MNAT1: variants seen among roughly 807,000 people sequenced by gnomAD.
MNAT1 encodes MNAT1 component of CDK activating kinase.
Under a neutral mutation model 42.0 loss-of-function variants are expected in MNAT1, and 43 were observed. The observed-to-expected ratio is 1.02, with a 90% confidence interval of 0.80 to 1.32. The LOEUF (loss-of-function observed/expected upper bound fraction) is 1.32. Among genes scored for constraint, MNAT1 ranks in the 40% most tolerant of loss-of-function variants. The pLI, the probability that MNAT1 is intolerant of heterozygous loss-of-function variation, is 0.00. For missense variants in MNAT1, 306 were observed against 350.4 expected (o/e 0.87, Z 1.01); for synonymous variants, 118 against 120.0 (o/e 0.98, Z 0.11).
intron 6 of MNAT1, among the ~76,000 whole-genome samples, chr14:60,835,043 G>A (rs1022755095): frequency 1.3e-4 from 17 of 128,832 alleles, no homozygotes; most frequent in African/African-American, 4.0e-4. Flanking sequence ...TTCGTTCAAA[G>A]TCAGTTATAT....
chr14:60,849,758 G>T (rs1361102614), intron 6 of MNAT1, among the ~76,000 whole-genome samples: 1 of 152,044 alleles, frequency 6.6e-6, no homozygotes, highest in Non-Finnish European at 1.5e-5. Flanking sequence ...ATTTGATACA[G>T]AAAATAATGT....
chr14:60,839,656 G>A (rs1014928743), intron 6 of MNAT1, among the ~76,000 whole-genome samples: 1 of 152,252 alleles, frequency 6.6e-6, no homozygotes, highest in African/African-American at 2.4e-5. Flanking sequence ...CCAGAGCTAT[G>A]ACACCCTCTT....
chr14:60,932,238 G>A (rs2035904181), intron 7 of MNAT1, among the ~76,000 whole-genome samples: 1 of 151,600 alleles, frequency 6.6e-6, no homozygotes, highest in Non-Finnish European at 1.5e-5. Flanking sequence ...TTAAATTTTT[G>A]TTTCATTTGT....
At chr14:60,772,467 C>G (rs1566759676) in intron 1 of MNAT1, among the ~76,000 whole-genome samples, 1 of 151,924 alleles carries the variant, frequency 6.6e-6, no homozygotes, top group Non-Finnish European at 1.5e-5. Flanking sequence ...TGCCTGTACT[C>G]TACTACTGTA....
At chr14:60,788,661 A>G (rs770534309) in intron 1 of MNAT1, among the ~76,000 whole-genome samples, 4 of 152,220 alleles carry the variant, frequency 2.6e-5, no homozygotes, top group Admixed American at 6.5e-5. Flanking sequence ...AAGCCTCCAT[A>G]TCAGCACTTG....
At chr14:60,915,964 G>GA (rs2035503912) in intron 7 of MNAT1, among the ~76,000 whole-genome samples, 1 of 152,222 alleles carries the variant, frequency 6.6e-6, no homozygotes, top group Non-Finnish European at 1.5e-5. Context: ...GGAGTTGCAA[G>GA]ACACATTTGG....
At chr14:60,961,574 CT>C (rs1490275677) in intron 7 of MNAT1, among the ~76,000 whole-genome samples, 1 of 152,222 alleles carries the variant, frequency 6.6e-6, no homozygotes, top group Middle Eastern at 3.4e-3. Flanking sequence ...TTCATGTTGG[CT>C]TCTCTTTTTA....
intron 6 of MNAT1, among the ~76,000 whole-genome samples, chr14:60,841,634 A>ATT (rs113486939): frequency 2.0e-5 from 3 of 151,338 alleles, no homozygotes; most frequent in Admixed American, 6.6e-5. Context: ...CTATTGACTG[A>ATT]TTTTTTTTTC....
intron 1 of MNAT1, chr14:60,753,817 T>G (rs937613255): frequency 3.3e-5 from 5 of 152,208 alleles, no homozygotes; most frequent in Non-Finnish European, 7.3e-5. Context: ...GTCTCCTACT[T>G]TTTATGTCCT....
intron 7 of MNAT1, among the ~76,000 whole-genome samples, chr14:60,901,896 A>G (rs10467807): frequency 0.92 from 140,717 of 152,246 alleles, 65,571 homozygotes; most frequent in Non-Finnish European, 0.99. Flanking sequence ...TGACAACAAA[A>G]GATTTAGAAT....
At chr14:60,840,303 C>T (rs1367920294) in intron 6 of MNAT1, among the ~76,000 whole-genome samples, 1 of 152,182 alleles carries the variant, frequency 6.6e-6, no homozygotes, top group Non-Finnish European at 1.5e-5. Flanking sequence ...AGAGAGTCAT[C>T]AGACTCTGAT....
At chr14:60,940,513 G>A (rs916827226) in intron 7 of MNAT1, among the ~76,000 whole-genome samples, 1 of 152,170 alleles carries the variant, frequency 6.6e-6, no homozygotes, top group Non-Finnish European at 1.5e-5. Context: ...TGCCTCCCAG[G>A]TTCATGCCAT....
intron 7 of MNAT1, among the ~76,000 whole-genome samples, chr14:60,911,077 A>G (rs2035344900): frequency 2.0e-5 from 3 of 152,092 alleles, no homozygotes; most frequent in Admixed American, 6.5e-5. Flanking sequence ...CGAGGAATTT[A>G]TCCATTTCTT....
intron 7 of MNAT1, among the ~76,000 whole-genome samples, chr14:60,913,024 T>G (rs1405961805): frequency 6.6e-6 from 1 of 152,218 alleles, no homozygotes; most frequent in Non-Finnish European, 1.5e-5. Context: ...TTTGTTTGTT[T>G]CTTTTTATTC....
chr14:60,845,916 C>G (rs184225940), intron 6 of MNAT1, among the ~76,000 whole-genome samples: 1 of 152,074 alleles, frequency 6.6e-6, no homozygotes, highest in East Asian at 1.9e-4. Flanking sequence ...ATTCCCTTGT[C>G]CTCTGCTTTC....
At chr14:60,768,359 A>G (rs1204025633) in intron 1 of MNAT1, among the ~76,000 whole-genome samples, 1 of 152,220 alleles carries the variant, frequency 6.6e-6, no homozygotes, top group African/African-American at 2.4e-5. Context: ...TTACATGTTT[A>G]ATAACTTTCT....
chr14:60,914,120 G>A (rs1379524736), intron 7 of MNAT1, among the ~76,000 whole-genome samples: 4 of 152,178 alleles, frequency 2.6e-5, no homozygotes, highest in Non-Finnish European at 4.4e-5. Context: ...AGGACCCTCC[G>A]AGCCTGGTGC....
chr14:60,737,130 C>G (rs953718042), intron 1 of MNAT1, among the ~76,000 whole-genome samples: 1 of 152,002 alleles, frequency 6.6e-6, no homozygotes, highest in South Asian at 2.1e-4. Context: ...ACTGCTGTTT[C>G]TGAATGGAGG....
chr14:60,931,780 C>T (rs1594885789), intron 7 of MNAT1, among the ~76,000 whole-genome samples: 1 of 151,664 alleles, frequency 6.6e-6, no homozygotes, highest in African/African-American at 2.4e-5. Flanking sequence ...GTGTATATAT[C>T]TATAACCTTT....
Sources: gnomAD v4.1 joint callset for allele counts (sites outside exome capture counted in the v4.1 genomes callset) on GRCh38, gnomAD v4.1.1 for gene constraint, MANE v1.5 for transcripts, NCBI Gene and HGNC (gene_info 2026-07-23, HGNC 2026-07-21) for gene names.